CSMD1: variants seen among roughly 807,000 people sequenced by gnomAD.
CSMD1 encodes the protein CUB and sushi domain-containing protein 1.
Under a neutral mutation model 417.5 loss-of-function variants are expected in CSMD1, and 213 were observed. The observed-to-expected ratio is 0.51, with a 90% CI of 0.46 to 0.57. The LOEUF (loss-of-function observed/expected upper bound fraction) is 0.57. Ranked by LOEUF, CSMD1 falls within the 20% of genes least tolerant of loss-of-function variation. The probability of loss-of-function intolerance (pLI) is 0.00; values close to 1 mark genes in which losing one functional copy is unlikely to be tolerated. For missense variants in CSMD1, 6,923 were observed against 4,529.7 expected, an observed-to-expected ratio of 1.53 and a Z score of -15.17; for synonymous variants, 2,862 against 1,736.8, an observed-to-expected ratio of 1.65 and a Z score of -16.11.
At chr8:4,837,728 C>A (rs750364605) in intron 1 of CSMD1, among the ~76,000 whole-genome samples, 1 of 151,906 alleles carries the variant, frequency 6.6e-6, no homozygotes, top group Non-Finnish European at 1.5e-5. Flanking sequence ...CAGTAATAAC[C>A]GTACATTTAA....
At chr8:4,956,545 T>A (rs1208671082) in intron 1 of CSMD1, among the ~76,000 whole-genome samples, 2 of 149,556 alleles carry the variant, frequency 1.3e-5, no homozygotes, top group South Asian at 2.1e-4. Flanking sequence ...AAAATATATG[T>A]GTATATCATA....
At chr8:4,001,647 T>C (rs7000915) in intron 4 of CSMD1, among the ~76,000 whole-genome samples, 21,840 of 152,092 alleles carry the variant, frequency 0.14, 1,637 homozygotes, top group East Asian at 0.19. Flanking sequence ...GTCTAAGATC[T>C]TAGACACTTA....
At chr8:3,949,698 G>A (rs1370357545) in intron 5 of CSMD1, among the ~76,000 whole-genome samples, 2 of 152,028 alleles carry the variant, frequency 1.3e-5, no homozygotes, top group East Asian at 1.9e-4. Context: ...ATATTATAAG[G>A]GCACATTTCC....
rs573764317 is a variant in CSMD1 at position 3,867,274 on chromosome 8, A to G, written c.819-113232T>C. Among the ~76,000 whole-genome samples the G allele has an allele frequency of 4.8e-3, 736 of 152,302 alleles. 6 individuals carry two copies. The highest frequency in any genetic ancestry group is 0.016 in the South Asian group (75 of 4,828). On this transcript the variant is annotated intron_variant, in intron 5 of 69. Transcript: ENST00000635120. The stretch of plus-strand genomic sequence containing the variant: ...GTAAGAAGCAAGACCATACCATTAC[A>G]TATCTTGAATATAAGGAAAACCATG...
At chr8:4,399,767 C>T (rs1414197739) in intron 3 of CSMD1, among the ~76,000 whole-genome samples, 1 of 152,088 alleles carries the variant, frequency 6.6e-6, no homozygotes, top group African/African-American at 2.4e-5. Flanking sequence ...CTGAATTTTC[C>T]TCATGTGAGT....
intron 5 of CSMD1, among the ~76,000 whole-genome samples, chr8:3,888,279 C>T (rs928409263): frequency 6.6e-6 from 1 of 152,120 alleles, no homozygotes; most frequent in Non-Finnish European, 1.5e-5. Context: ...ATGCCAAACC[C>T]TTGTTAACAT....
chr8:3,367,199 T>C lies in CSMD1; in HGVS notation c.2948A>G (p.Tyr983Cys), dbSNP rs763371765. 3 of 1,613,396 alleles carry C rather than the reference T, an allele frequency of 1.9e-6. No individual in the cohort carries two copies. Among genetic ancestry groups the C allele is most frequent in the Non-Finnish European group, 8.5e-7 (1 of 1,179,726 alleles). Residue 983 changes from tyrosine (Y) to cysteine (C), a missense_variant, in exon 20 of 70, where the codon TAT becomes TGT. By Grantham distance (194) the Tyr-to-Cys change is radical (BLOSUM62 -2). Transcript: ENST00000635120. ...ACTTCCATCCTCTGTGATCAGTAAA[T>C]AGTCGTGGGAACTCTCAAGATGAAA... ...HTFHLESSHD[Y>C]LLITEDGSFS...
intron 10 of CSMD1, among the ~76,000 whole-genome samples, chr8:3,541,969 T>A (rs1393165956): frequency 6.6e-6 from 1 of 151,970 alleles, no homozygotes; most frequent in East Asian, 1.9e-4. Flanking sequence ...TGAGCCTAGA[T>A]GGAGCCACTG....
intron 5 of CSMD1, among the ~76,000 whole-genome samples, chr8:3,789,595 G>C (rs1033328701): frequency 2.6e-5 from 4 of 151,398 alleles, no homozygotes; most frequent in African/African-American, 9.7e-5. Context: ...TATATGACTA[G>C]AGATACTGAA....
intron 1 of CSMD1, among the ~76,000 whole-genome samples, chr8:4,768,451 G>A (rs1284670214): frequency 6.6e-6 from 1 of 152,176 alleles, no homozygotes; most frequent in Non-Finnish European, 1.5e-5. Flanking sequence ...AAACAAAAAT[G>A]CATTATTTGC....
chr8:4,839,177 G>A (rs1800690104), intron 1 of CSMD1, among the ~76,000 whole-genome samples: 1 of 152,060 alleles, frequency 6.6e-6, no homozygotes, highest in Admixed American at 6.5e-5. Flanking sequence ...CCTTCATCAG[G>A]TTCCAAGAAG....
intron 46 of CSMD1, among the ~76,000 whole-genome samples, chr8:3,098,351 T>A (rs966384063): frequency 3.9e-5 from 6 of 152,206 alleles, no homozygotes; most frequent in African/African-American, 1.4e-4. Flanking sequence ...GCTTATGATA[T>A]GTGTTTTTAT....
chr8:4,296,629 T>A (rs7005511), intron 3 of CSMD1, among the ~76,000 whole-genome samples: 143,321 of 150,600 alleles, frequency 0.95, 68,604 homozygotes, highest in East Asian at 1. Context: ...GTTATTTAGT[T>A]AATATTCACT....
intron 1 of CSMD1, among the ~76,000 whole-genome samples, chr8:4,753,279 G>C (rs985076027): frequency 9.2e-5 from 14 of 151,980 alleles, no homozygotes; most frequent in Non-Finnish European, 1.3e-4. Flanking sequence ...TTATATTGTA[G>C]AGGATGATGA....
intron 1 of CSMD1, among the ~76,000 whole-genome samples, chr8:4,789,161 T>A (rs982092290): frequency 1.3e-5 from 2 of 152,234 alleles, no homozygotes; most frequent in African/African-American, 2.4e-5. Context: ...CAATGTTGTA[T>A]GTTCAGATGA....
chr8:3,966,463 A>G (rs186607259), intron 5 of CSMD1, among the ~76,000 whole-genome samples: 32 of 152,266 alleles, frequency 2.1e-4, no homozygotes, highest in Middle Eastern at 3.4e-3. Context: ...TTATAGATAT[A>G]TGTTTCCATT....
intron 10 of CSMD1, among the ~76,000 whole-genome samples, chr8:3,497,864 C>G (rs1796431933): frequency 6.6e-6 from 1 of 152,112 alleles, no homozygotes; most frequent in Non-Finnish European, 1.5e-5. Flanking sequence ...TTACTTCTTT[C>G]TCATTTATTT....
At chr8:3,044,853 A>C (rs186202041) in intron 50 of CSMD1, among the ~76,000 whole-genome samples, 45 of 152,346 alleles carry the variant, frequency 3.0e-4, no homozygotes, top group African/African-American at 9.6e-4. Context: ...TGCAATTGCT[A>C]AAGAAACTTA....
rs565044483 is a variant in CSMD1, at chr8:4,755,302, T to C, written c.86-117744A>G. On this transcript the variant is annotated intron_variant, in intron 1 of 69. Transcript: ENST00000635120. ...CAACTTGGAAATATTTTCTTCTTTA[T>C]AGCACTTGACAATCTTATGTTCACT... 5.3e-5 allele frequency among the ~76,000 whole-genome samples: 8 copies of C among 152,336 alleles called. No homozygotes were observed. In the South Asian group the frequency reaches 1.0e-3, roughly 20 times the overall value.
Sources: allele counts gnomAD v4.1 joint callset (sites outside exome capture counted in the v4.1 genomes callset), GRCh38; gene constraint gnomAD v4.1.1; transcripts MANE v1.5; gene names NCBI Gene and HGNC (gene_info 2026-07-23, HGNC 2026-07-21).